DLGAP5: variants seen among roughly 807,000 people sequenced by gnomAD.
DLGAP5 encodes disks large-associated protein 5.
Under a neutral mutation model 99.6 loss-of-function variants are expected in DLGAP5, and 90 were observed. That is an observed-to-expected ratio of 0.90 (90% CI 0.76 to 1.08). The LOEUF is 1.08. Ranked by LOEUF, DLGAP5 falls within the 50% of genes least tolerant of loss-of-function variation. DLGAP5 has a pLI of 0.00. For synonymous variants in DLGAP5, 311 were observed against 321.3 expected (o/e 0.97, Z 0.34); for missense variants, 1,036 against 983.5 (o/e 1.05, Z -0.71).
chr14:55,189,764 C>A (rs1410724548), intron 1 of DLGAP5, among the ~76,000 whole-genome samples: 1 of 152,126 alleles, frequency 6.6e-6, no homozygotes, highest in Non-Finnish European at 1.5e-5. Context: ...CATGTATTCA[C>A]CTAAGAAGCT....
intron 14 of DLGAP5, among the ~76,000 whole-genome samples, chr14:55,158,204 C>A (rs1012018721): frequency 3.3e-5 from 5 of 152,214 alleles, no homozygotes; most frequent in Admixed American, 3.3e-4. Flanking sequence ...ATTTCTCTTA[C>A]CTCTTGGGAT....
chr14:55,179,572 G>C, intron 7 of DLGAP5, 57 bp downstream of exon 7: 3 of 1,435,890 alleles, frequency 2.1e-6, no homozygotes, highest in Non-Finnish European at 2.9e-6. Context: ...TCAACTTTAT[G>C]AAAGTAGCAA....
chr14:55,179,499 T>C (rs1433093155), intron 7 of DLGAP5, 130 bp downstream of exon 7: 18 of 608,034 alleles, frequency 3.0e-5, no homozygotes, highest in Non-Finnish European at 4.3e-5. Context: ...TGCTTTCTTA[T>C]GGTTCAGGAA....
At chr14:55,186,885 CA>C (rs1268796042) in intron 2 of DLGAP5, among the ~76,000 whole-genome samples, 2 of 152,176 alleles carry the variant, frequency 1.3e-5, no homozygotes, top group Non-Finnish European at 2.9e-5. Flanking sequence ...CATTACTTTG[CA>C]TTGTTCCTTG....
intron 1 of DLGAP5, among the ~76,000 whole-genome samples, chr14:55,190,842 T>C (rs1883591443): frequency 6.6e-6 from 1 of 152,106 alleles, no homozygotes; most frequent in African/African-American, 2.4e-5. Context: ...TCGCTAAAGA[T>C]TGAAGAAAAA....
chr14:55,158,491 CA>C, intron 14 of DLGAP5, 30 bp downstream of exon 14: 38 of 1,585,030 alleles, frequency 2.4e-5, no homozygotes, highest in South Asian at 4.6e-5. Flanking sequence ...TCAGGAAAAA[CA>C]AAAAAAATAA....
chr14:55,182,250 C>A, intron 4 of DLGAP5, 120 bp downstream of exon 4: 1 of 777,924 alleles, frequency 1.3e-6, no homozygotes, highest in Non-Finnish European at 2.0e-6. Flanking sequence ...GACTTTGGTA[C>A]CTGTTAACTC....
chr14:55,167,748 T>C (rs1882694729), intron 12 of DLGAP5, among the ~76,000 whole-genome samples: 1 of 152,200 alleles, frequency 6.6e-6, no homozygotes, highest in African/African-American at 2.4e-5. Flanking sequence ...AAATCCAGGT[T>C]GGAAGTTAAT....
chr14:55,185,071 T>C (rs1222636631), intron 2 of DLGAP5, among the ~76,000 whole-genome samples: 1 of 152,232 alleles, frequency 6.6e-6, no homozygotes, highest in Non-Finnish European at 1.5e-5. Flanking sequence ...ACTGAATTGT[T>C]GCCATTATGA....
chr14:55,148,505 T>C (rs1240342524), intron 18 of DLGAP5, 32 bp from the exon 19 acceptor site: 1 of 1,613,434 alleles, frequency 6.2e-7, no homozygotes, highest in East Asian at 2.2e-5. Context: ...GTCAGTAAAG[T>C]ATCCATCAAG....
At chr14:55,189,893 G>A (rs1255446268) in intron 1 of DLGAP5, among the ~76,000 whole-genome samples, 1 of 152,134 alleles carries the variant, frequency 6.6e-6, no homozygotes, top group East Asian at 1.9e-4. Context: ...CCTCCCCAGA[G>A]GTTGTGAGGT....
intron 11 of DLGAP5, among the ~76,000 whole-genome samples, chr14:55,170,321 CAGAGT>C (rs1012545662): frequency 1.3e-5 from 2 of 149,574 alleles, no homozygotes; most frequent in Non-Finnish European, 2.9e-5. Context: ...AATTTTCATT[CAGAGT>C]ATATTTTTGT....
At chr14:55,175,168 C>A (rs1883015575) in intron 10 of DLGAP5, among the ~76,000 whole-genome samples, 178 bp downstream of exon 10, 1 of 152,048 alleles carries the variant, frequency 6.6e-6, no homozygotes, top group Non-Finnish European at 1.5e-5. Context: ...CTTTTCCTAC[C>A]CTTTGAATTA....
intron 6 of DLGAP5, among the ~76,000 whole-genome samples, chr14:55,180,235 G>GT (rs1456594882): frequency 3.3e-5 from 5 of 152,274 alleles, no homozygotes; most frequent in Middle Eastern, 3.4e-3. Flanking sequence ...TCAGGGTATG[G>GT]TTTTCCAGTC....
At chr14:55,169,342 TAAAAAAA>T in intron 12 of DLGAP5, 50 bp downstream of exon 12, 11 of 869,936 alleles carry the variant, frequency 1.3e-5, no homozygotes, top group South Asian at 3.5e-5. Context: ...TCCTGCTACT[TAAAAAAA>T]AAAAAAAAAA....
intron 12 of DLGAP5, 91 bp downstream of exon 12, chr14:55,169,308 G>T (rs1594673148): frequency 1.2e-6 from 1 of 801,792 alleles, no homozygotes; most frequent in Non-Finnish European, 1.8e-6. Context: ...AGGTACATAA[G>T]CAGCTACTAT....
chr14:55,162,420 C>G (rs983082319), intron 13 of DLGAP5, among the ~76,000 whole-genome samples: 1 of 151,964 alleles, frequency 6.6e-6, no homozygotes, highest in Non-Finnish European at 1.5e-5. Flanking sequence ...CAGATGGAGA[C>G]CATCCTGGCT....
chr14:55,180,610 G>A, intron 6 of DLGAP5, 46 bp downstream of exon 6: 1 of 1,607,328 alleles, frequency 6.2e-7, no homozygotes, highest in African/African-American at 1.3e-5. Flanking sequence ...AAAACCTCAA[G>A]GACCAAACAT....
intron 10 of DLGAP5, 43 bp downstream of exon 10, chr14:55,175,303 G>C: frequency 6.3e-7 from 1 of 1,577,322 alleles, no homozygotes; most frequent in Non-Finnish European, 8.6e-7. Context: ...TAAATGTCTA[G>C]ATATTAATAC....
Sources: allele counts gnomAD v4.1 joint callset (sites outside exome capture counted in the v4.1 genomes callset), GRCh38; gene constraint gnomAD v4.1.1; transcripts MANE v1.5; gene names NCBI Gene and HGNC (gene_info 2026-07-23, HGNC 2026-07-21).